ANK3: variants seen among roughly 807,000 people sequenced by gnomAD.
ANK3 encodes the protein ankyrin 3, also known as ankyrin-3.
A neutral mutation model predicts 370.9 loss-of-function variants in ANK3; 57 were observed. The observed-to-expected ratio is 0.15, with a 90% CI of 0.12 to 0.19. The LOEUF (loss-of-function observed/expected upper bound fraction) is 0.19, where lower values mean the gene tolerates loss of function less well. ANK3 is among the 10% of genes least tolerant of loss of function. The pLI is 1.00. For synonymous variants in ANK3, 1,929 were observed against 1,946.3 expected, an observed-to-expected ratio of 0.99 and a Z score of 0.23; for missense variants, 4,439 against 5,302.1, an observed-to-expected ratio of 0.84 and a Z score of 5.06.
intron 1 of ANK3, among the ~76,000 whole-genome samples, chr10:60,677,555 G>A (rs886981188): frequency 6.6e-6 from 1 of 151,968 alleles, no homozygotes; most frequent in Non-Finnish European, 1.5e-5. Context: ...AGTTTACAAG[G>A]TTGCAACCTT....
At chr10:60,113,758 T>C (rs995833583) in intron 26 of ANK3, among the ~76,000 whole-genome samples, 2 of 152,112 alleles carry the variant, frequency 1.3e-5, no homozygotes, top group Non-Finnish European at 2.9e-5. Flanking sequence ...AATTCTTCTA[T>C]TATTAAGGGA....
intron 43 of ANK3, among the ~76,000 whole-genome samples, chr10:60,032,846 C>T (rs12257592): frequency 0.041 from 6,164 of 152,142 alleles, 391 homozygotes; most frequent in African/African-American, 0.14. Flanking sequence ...GAAGGTCATT[C>T]ATTGGACAAA....
chr10:60,123,500 T>C (rs1211256756), intron 25 of ANK3, among the ~76,000 whole-genome samples: 1 of 152,170 alleles, frequency 6.6e-6, no homozygotes, highest in Non-Finnish European at 1.5e-5. Context: ...AGAAAGTGTT[T>C]GCAAGAGAGA....
At chr10:60,439,959 A>AT (rs1328384288) in intron 2 of ANK3, among the ~76,000 whole-genome samples, 3 of 152,204 alleles carry the variant, frequency 2.0e-5, no homozygotes, top group African/African-American at 7.2e-5. Context: ...AAATTAGTTA[A>AT]TTAATACATT....
intron 1 of ANK3, among the ~76,000 whole-genome samples, chr10:60,342,281 G>A (rs1052921627): frequency 6.6e-6 from 1 of 152,010 alleles, no homozygotes; most frequent in Admixed American, 6.6e-5. Context: ...ATAAGAATTC[G>A]GATATTGAAT....
intron 26 of ANK3, 87 bp from the exon 27 acceptor site, chr10:60,109,141 T>A (rs573671203): frequency 2.0e-6 from 2 of 1,011,398 alleles, no homozygotes; most frequent in East Asian, 2.6e-5. Flanking sequence ...TAAGTTTATT[T>A]AAAGCGACAG....
chr10:60,344,969 C>T (rs1278837150), intron 1 of ANK3, among the ~76,000 whole-genome samples: 2 of 152,298 alleles, frequency 1.3e-5, no homozygotes, highest in South Asian at 2.1e-4. Flanking sequence ...GAACTTCTGA[C>T]ATTTGTATAG....
intron 2 of ANK3, among the ~76,000 whole-genome samples, chr10:60,614,066 T>G (rs2078236418): frequency 6.6e-6 from 1 of 151,680 alleles, no homozygotes; most frequent in Non-Finnish European, 1.5e-5. Context: ...AGAGCAAGAC[T>G]CTGTCAAAAA....
intron 1 of ANK3, among the ~76,000 whole-genome samples, chr10:60,339,639 C>A (rs2053799705): frequency 6.6e-6 from 1 of 152,172 alleles, no homozygotes; most frequent in Non-Finnish European, 1.5e-5. Flanking sequence ...ACAAATGTAT[C>A]TTACACTGTT....
At chr10:60,443,570 C>G (rs138901824) in intron 2 of ANK3, among the ~76,000 whole-genome samples, 23 of 152,216 alleles carry the variant, frequency 1.5e-4, no homozygotes, top group African/African-American at 5.3e-4. Context: ...GAACCCCCGG[C>G]GTGACCCATT....
rs2072680411 is a variant in ANK3 at position 60,028,914 on chromosome 10, A to G, written c.*932T>C. 6.6e-6 allele frequency: 1 copy of G among 152,470 alleles called. No homozygotes were observed. The highest frequency in any genetic ancestry group is 6.6e-5 in the Admixed American group (1 of 15,244). The allele number at this position is 152,470 out of a possible 1,614,324, so 9.4% of individuals were successfully genotyped here. A position where few individuals can be genotyped will look rare whatever the true frequency, so the allele number is the denominator to read the frequency against. On this transcript the variant is annotated 3_prime_UTR_variant, in exon 44 of 44. Coordinates refer to ENST00000280772, the MANE Select transcript of ANK3 (RefSeq NM_020987.5). ...TGAAAAATTGGCAATAGCAACAAAT[A>G]TTAGATGAAGGGCTTTGTGTTTACA...
At chr10:60,393,207 T>C (rs1445159708), upstream of ANK3, among the ~76,000 whole-genome samples, 3 of 152,208 alleles carry the variant, frequency 2.0e-5, no homozygotes, top group African/African-American at 7.2e-5. Context: ...AATGGTATCC[T>C]GGAGCCCCAG....
At chr10:60,298,541 G>A (rs1214227525) in intron 1 of ANK3, among the ~76,000 whole-genome samples, 3 of 152,098 alleles carry the variant, frequency 2.0e-5, no homozygotes, top group Non-Finnish European at 2.9e-5. Flanking sequence ...TATATGATTC[G>A]TATCGGGTCA....
intron 7 of ANK3, among the ~76,000 whole-genome samples, chr10:60,243,735 T>A (rs2097510326): frequency 2.0e-5 from 3 of 152,192 alleles, no homozygotes; most frequent in Non-Finnish European, 4.4e-5. Context: ...TAGAAATGTA[T>A]GAAATGACTG....
intron 23 of ANK3, among the ~76,000 whole-genome samples, chr10:60,157,556 A>G (rs2095371269): frequency 6.6e-6 from 1 of 151,946 alleles, no homozygotes; most frequent in Admixed American, 6.6e-5. Flanking sequence ...AAGCTAGCTC[A>G]ATGCACTTTA....
At chr10:60,064,620 G>T (rs1262810509) in intron 38 of ANK3, among the ~76,000 whole-genome samples, 4 of 151,824 alleles carry the variant, frequency 2.6e-5, no homozygotes, top group Non-Finnish European at 5.9e-5. Context: ...TTGCACCCAG[G>T]ATTTGAGACC....
intron 3 of ANK3, 32 bp downstream of exon 3, chr10:60,279,018 G>A (rs567599218): frequency 5.0e-6 from 8 of 1,599,846 alleles, no homozygotes; most frequent in South Asian, 3.3e-5. Flanking sequence ...CATGGCGAGT[G>A]GTTCAAAAAG....
chr10:60,631,883 TTAAC>T (rs1282938211), intron 1 of ANK3, among the ~76,000 whole-genome samples: 5 of 152,202 alleles, frequency 3.3e-5, no homozygotes, highest in Non-Finnish European at 5.9e-5. Context: ...CTTGGAGTAT[TTAAC>T]TATTTATGGT....
chr10:60,416,647 C>G (rs1199144222), intron 2 of ANK3, among the ~76,000 whole-genome samples: 1 of 152,172 alleles, frequency 6.6e-6, no homozygotes, highest in African/African-American at 2.4e-5. Flanking sequence ...CCATCTAAGG[C>G]TATTTACATG....
Sources: gnomAD v4.1 joint callset for allele counts (sites outside exome capture counted in the v4.1 genomes callset) on GRCh38, gnomAD v4.1.1 for gene constraint, MANE v1.5 for transcripts, NCBI Gene and HGNC (gene_info 2026-07-23, HGNC 2026-07-21) for gene names.